Variants in HS3ST4 observed in about 807,000 individuals in gnomAD.
HS3ST4 encodes the protein heparan sulfate glucosamine 3-O-sulfotransferase 4.
HS3ST4 carries 17 observed loss-of-function variants against 29.2 expected under a neutral mutation model. The ratio of observed to expected loss-of-function variants is 0.58; its 90% CI spans 0.40 to 0.87. The LOEUF is 0.87. Among genes scored for constraint, HS3ST4 ranks in the 40% least tolerant of loss-of-function variants. The probability of loss-of-function intolerance (pLI) is 0.00; values close to 1 mark genes in which losing one functional copy is unlikely to be tolerated. For synonymous variants in HS3ST4, 314 were observed against 285.7 expected, an observed-to-expected ratio of 1.10 and a Z score of -1.00; for missense variants, 627 against 634.5, an observed-to-expected ratio of 0.99 and a Z score of 0.13.
chr16:25,949,282 G>A (rs988219756), intron 1 of HS3ST4, among the ~76,000 whole-genome samples: 2 of 151,860 alleles, frequency 1.3e-5, no homozygotes, highest in Non-Finnish European at 2.9e-5. Flanking sequence ...TCATCCTATG[G>A]TGCTCTCAAA....
At chr16:25,717,605 A>G (rs1966464495) in intron 1 of HS3ST4, among the ~76,000 whole-genome samples, 1 of 150,540 alleles carries the variant, frequency 6.6e-6, no homozygotes, top group African/African-American at 2.4e-5. Context: ...CACAGTGGGA[A>G]GGTGCATCGC....
intron 1 of HS3ST4, among the ~76,000 whole-genome samples, chr16:25,925,847 G>T (rs1443698296): frequency 2.0e-5 from 3 of 152,076 alleles, no homozygotes; most frequent in South Asian, 4.2e-4. Context: ...ACACTAGGTG[G>T]AATGCCTCCA....
At chr16:25,941,493 A>T (rs1197656526) in intron 1 of HS3ST4, among the ~76,000 whole-genome samples, 1 of 151,712 alleles carries the variant, frequency 6.6e-6, no homozygotes, top group Non-Finnish European at 1.5e-5. Context: ...GCATACCCAG[A>T]CTTGCATTGT....
In HS3ST4 at chr16:25,692,648, G is replaced by C. The variant is rs1264732402; in HGVS notation, c.231G>C (p.Pro77=). 1.5e-6 allele frequency: 2 copies of C among 1,360,362 alleles called. No homozygotes were observed. Among genetic ancestry groups the C allele is most frequent in the Admixed American group, 2.6e-5 (1 of 38,164 alleles). The allele number at this position is 1,360,362 out of a possible 1,614,324, so 84.3% of individuals were successfully genotyped here. The change falls in exon 1 of 2, where the codon CCG becomes CCC. Residue 77 remains proline (P), a synonymous_variant. Transcript: ENST00000331351. ...CGGGCGCCGCCGCCGAGCCCCCGCC[G>C]AGCCCGCCGCCACCCTCTCTGCTGC... The part of the protein sequence containing the change: ...ESPGAAAEPP[P]SPPPPSLLPT...
chr16:26,133,569 C>G (rs1016567956), intron 1 of HS3ST4, among the ~76,000 whole-genome samples: 2 of 152,192 alleles, frequency 1.3e-5, no homozygotes, highest in Non-Finnish European at 2.9e-5. Flanking sequence ...TCTGAAAACA[C>G]CACGCTGCCC....
chr16:25,911,521 T>TG (rs1968239579), intron 1 of HS3ST4, among the ~76,000 whole-genome samples: 1 of 130,954 alleles, frequency 7.6e-6, no homozygotes, highest in Admixed American at 7.5e-5. Flanking sequence ...TTTTTTTTTT[T>TG]TTTGGGACAT....
At chr16:25,943,544 G>A (rs1027445873) in intron 1 of HS3ST4, among the ~76,000 whole-genome samples, 3 of 152,056 alleles carry the variant, frequency 2.0e-5, no homozygotes, top group South Asian at 2.1e-4. Context: ...TTAAATGTGG[G>A]TATAGTACTT....
At chr16:26,109,712 C>T (rs1170266478) in intron 1 of HS3ST4, among the ~76,000 whole-genome samples, 1 of 83,334 alleles carries the variant, frequency 1.2e-5, no homozygotes, top group Non-Finnish European at 2.7e-5. Context: ...AACTCATATA[C>T]TCACTGTTTT....
At chr16:25,937,385 A>G (rs1011158936) in intron 1 of HS3ST4, among the ~76,000 whole-genome samples, 4 of 152,152 alleles carry the variant, frequency 2.6e-5, no homozygotes, top group East Asian at 1.9e-4. Flanking sequence ...TGTTGATTCT[A>G]TTTTTGTTAT....
At chr16:26,117,713 TGTG>T (rs1254570266) in intron 1 of HS3ST4, among the ~76,000 whole-genome samples, 1 of 152,230 alleles carries the variant, frequency 6.6e-6, no homozygotes, top group Non-Finnish European at 1.5e-5. Flanking sequence ...CCCATCTGCT[TGTG>T]GCCTCTTTGG....
rs1417990715 is a variant in HS3ST4, at chr16:25,831,639, G to A, written c.734+138488G>A. ...ATAAAAATTTTGCATATTGACCCAA[G>A]CTCTATATTCACCTCCTATAAATTC... On this transcript the variant is annotated intron_variant, in intron 1 of 1. Coordinates refer to ENST00000331351, the MANE Select transcript of HS3ST4 (RefSeq NM_006040.3). Among the ~76,000 whole-genome samples, 4 of 151,798 alleles carry A rather than the reference G, an allele frequency of 2.6e-5. No homozygotes were observed. The East Asian group carries it at 7.7e-4, about 29-fold the overall frequency.
At chr16:26,041,257 G>A (rs571900172) in intron 1 of HS3ST4, among the ~76,000 whole-genome samples, 29 of 152,182 alleles carry the variant, frequency 1.9e-4, no homozygotes, top group African/African-American at 5.3e-4. Flanking sequence ...TGGGAGGATC[G>A]ATTGAACCTA....
intron 1 of HS3ST4, among the ~76,000 whole-genome samples, chr16:25,930,729 G>GAT (rs1216017708): frequency 6.6e-6 from 1 of 152,038 alleles, no homozygotes; most frequent in Non-Finnish European, 1.5e-5. Context: ...TATTGACAAA[G>GAT]ATATATTAGC....
In HS3ST4 at chr16:25,917,515, G is replaced by A. The variant is rs148185246; in HGVS notation, c.735-218097G>A. ...CCTGAGCCACTGTGCCCAGCCTATC[G>A]CTCTTTCTAAACAGACCAGGATGTG... On this transcript the variant is annotated intron_variant, in intron 1 of 1. Transcript: ENST00000331351. Among the ~76,000 whole-genome samples the A allele has an allele frequency of 3.0e-3, 458 of 152,238 alleles. 8 individuals are homozygous for A. Among genetic ancestry groups the A allele is most frequent in the Admixed American group, 0.023 (352 of 15,292 alleles).
intron 1 of HS3ST4, among the ~76,000 whole-genome samples, chr16:25,895,391 A>G (rs1348385853): frequency 1.3e-5 from 2 of 152,194 alleles, no homozygotes; most frequent in Non-Finnish European, 2.9e-5. Flanking sequence ...GGTCATGGGC[A>G]GTGATGTGAT....
intron 1 of HS3ST4, among the ~76,000 whole-genome samples, chr16:25,918,294 C>T (rs764660912): frequency 4.6e-5 from 7 of 152,178 alleles, no homozygotes; most frequent in Non-Finnish European, 1.0e-4. Context: ...GATGAGGACA[C>T]TGACCCTCAG....
chr16:25,994,515 G>T (rs1421573474), intron 1 of HS3ST4, among the ~76,000 whole-genome samples: 1 of 151,740 alleles, frequency 6.6e-6, no homozygotes, highest in Non-Finnish European at 1.5e-5. Flanking sequence ...CTGCCTTTTG[G>T]CTAATTTTTG....
chr16:26,085,156 C>T (rs1898771295), intron 1 of HS3ST4, among the ~76,000 whole-genome samples: 1 of 152,134 alleles, frequency 6.6e-6, no homozygotes, highest in African/African-American at 2.4e-5. Flanking sequence ...TGAAATGAAG[C>T]CAGGATTTAG....
intron 1 of HS3ST4, among the ~76,000 whole-genome samples, chr16:25,809,702 T>C (rs930412180): frequency 6.6e-6 from 1 of 152,134 alleles, no homozygotes; most frequent in Non-Finnish European, 1.5e-5. Context: ...ACTATTCAAT[T>C]TTTTTGTTTC....
Sources: gnomAD v4.1 joint callset for allele counts (sites outside exome capture counted in the v4.1 genomes callset) on GRCh38, gnomAD v4.1.1 for gene constraint, MANE v1.5 for transcripts, NCBI Gene and HGNC (gene_info 2026-07-23, HGNC 2026-07-21) for gene names.